NBEA: variants seen among roughly 807,000 people sequenced by gnomAD.
The protein encoded by NBEA is neurobeachin, also known as lysosomal-trafficking regulator 2.
NBEA carries 44 observed loss-of-function variants against 343.4 expected under a neutral mutation model. The ratio of observed to expected loss-of-function variants is 0.13; its 90% confidence interval spans 0.10 to 0.16. The LOEUF (loss-of-function observed/expected upper bound fraction) is 0.16. Ranked by LOEUF, NBEA falls within the 10% of genes least tolerant of loss-of-function variation. The probability of loss-of-function intolerance (pLI) is 1.00; values close to 1 mark genes in which losing one functional copy is unlikely to be tolerated. For synonymous variants in NBEA, 1,175 were observed against 1,238.7 expected, an observed-to-expected ratio of 0.95 and a Z score of 1.08; for missense variants, 2,555 against 3,631.3, an observed-to-expected ratio of 0.70 and a Z score of 7.62.
At chr13:35,330,031 T>C (rs909292797) in intron 36 of NBEA, among the ~76,000 whole-genome samples, 1 of 152,026 alleles carries the variant, frequency 6.6e-6, no homozygotes, top group Non-Finnish European at 1.5e-5. Flanking sequence ...AGTAGATGAA[T>C]GCCTAACTCT....
At chr13:35,325,735 T>C (rs960678215) in intron 36 of NBEA, among the ~76,000 whole-genome samples, 5 of 152,090 alleles carry the variant, frequency 3.3e-5, no homozygotes, top group Non-Finnish European at 7.4e-5. Flanking sequence ...CCAAAGCTAA[T>C]GTCTAGAAAG....
At chr13:35,625,620 G>A (rs982875494) in intron 48 of NBEA, among the ~76,000 whole-genome samples, 4 of 151,902 alleles carry the variant, frequency 2.6e-5, no homozygotes, top group Middle Eastern at 3.4e-3. Context: ...GTGAGATCCT[G>A]TCTAAAAAAT....
chr13:35,308,572 A>ATATG (rs1248395615), intron 35 of NBEA, among the ~76,000 whole-genome samples: 3 of 125,984 alleles, frequency 2.4e-5, no homozygotes, highest in Non-Finnish European at 4.8e-5. Flanking sequence ...ATATGTATAT[A>ATATG]TATGTATATA....
In NBEA at chr13:35,581,546, C is replaced by T. The variant is rs532142347; in HGVS notation, c.7036-2352C>T. Among the ~76,000 whole-genome samples, 9 of 151,406 alleles carry T rather than the reference C, an allele frequency of 5.9e-5. No homozygotes were observed. In the South Asian group the frequency reaches 8.4e-4, roughly 14 times the overall value. On this transcript the variant is annotated intron_variant, in intron 45 of 58. Transcript: ENST00000379939. Reference sequence around the variant, plus strand: ...AGCCCTTTGTCAGATGAGTAGGTTGCGGAGCCATAAAAAATGATGAGTTCA... The same window carrying T: ...AGCCCTTTGTCAGATGAGTAGGTTGTGGAGCCATAAAAAATGATGAGTTCA...
At chr13:35,117,064 G>T (rs1366359303) in intron 13 of NBEA, among the ~76,000 whole-genome samples, 2 of 151,764 alleles carry the variant, frequency 1.3e-5, no homozygotes, top group Non-Finnish European at 2.9e-5. Flanking sequence ...TTAATTGAGA[G>T]TGGAAGACAT....
chr13:35,441,365 A>T (rs774013805), intron 39 of NBEA, among the ~76,000 whole-genome samples: 14 of 152,158 alleles, frequency 9.2e-5, no homozygotes, highest in Non-Finnish European at 1.3e-4. Flanking sequence ...GAAAATTCTA[A>T]TCTATAGTAA....
chr13:35,159,761 C>A lies in NBEA; in HGVS notation c.3590C>A (p.Thr1197Asn), dbSNP rs1456088282. ...LAHMTGSVDL[T>N]CTSSIIEEKE... ...CACATGACCGGTAGCGTAGACTTAA[C>A]TTGTACATCCAGTATAATAGAAGAA... Residue 1197 changes from threonine to asparagine, a missense_variant, in exon 22 of 59, where the codon ACT (threonine) becomes AAT (asparagine). Coordinates refer to ENST00000379939, the MANE Select transcript of NBEA (RefSeq NM_001385012.1). The A allele has an allele frequency of 6.2e-7, 1 of 1,613,152 alleles. No homozygotes were observed. Among genetic ancestry groups the A allele is most frequent in the South Asian group, 1.1e-5 (1 of 91,020 alleles).
chr13:35,300,953 TA>T (rs960100950), intron 35 of NBEA, among the ~76,000 whole-genome samples: 54 of 150,352 alleles, frequency 3.6e-4, no homozygotes, highest in African/African-American at 9.5e-4. Context: ...CTAAATATGG[TA>T]AAAAAAAAAT....
At chr13:35,219,332 AC>A (rs2074237143) in intron 33 of NBEA, among the ~76,000 whole-genome samples, 1 of 152,122 alleles carries the variant, frequency 6.6e-6, no homozygotes, top group East Asian at 1.9e-4. Flanking sequence ...TGAAAGTTGT[AC>A]ATTGTTTGTT....
chr13:35,283,982 A>G (rs1427030059), intron 34 of NBEA, among the ~76,000 whole-genome samples: 1 of 43,224 alleles, frequency 2.3e-5, no homozygotes, highest in Non-Finnish European at 6.0e-5. Context: ...GCACATGTGT[A>G]CACAGACACA....
intron 24 of NBEA, 65 bp downstream of exon 24, chr13:35,164,574 T>G: frequency 6.7e-7 from 1 of 1,493,542 alleles, no homozygotes; most frequent in Non-Finnish European, 9.1e-7. Flanking sequence ...ATTTCAGTGG[T>G]GGTCTAGGCT....
intron 38 of NBEA, among the ~76,000 whole-genome samples, chr13:35,358,149 G>A (rs2040601248): frequency 6.6e-6 from 1 of 151,882 alleles, no homozygotes; most frequent in African/African-American, 2.4e-5. Flanking sequence ...AGCCTCCTGA[G>A]TAGCTGGGAT....
At chr13:35,609,803 G>A (rs150833786) in intron 48 of NBEA, among the ~76,000 whole-genome samples, 6 of 152,228 alleles carry the variant, frequency 3.9e-5, no homozygotes, top group Non-Finnish European at 7.4e-5. Context: ...TATAATACAG[G>A]TAAATACTTC....
chr13:35,493,064 A>G (rs1323178205), intron 41 of NBEA, among the ~76,000 whole-genome samples: 1 of 152,012 alleles, frequency 6.6e-6, no homozygotes, highest in Non-Finnish European at 1.5e-5. Flanking sequence ...TACAGAATAG[A>G]TTGTCTATAT....
At chr13:35,543,233 A>G (rs1462774056) in intron 41 of NBEA, among the ~76,000 whole-genome samples, 2 of 152,226 alleles carry the variant, frequency 1.3e-5, no homozygotes, top group Admixed American at 1.3e-4. Context: ...ACATGCACAT[A>G]TGAATATTAC....
At chr13:35,442,101 A>G (rs1355030937) in intron 39 of NBEA, among the ~76,000 whole-genome samples, 1 of 152,094 alleles carries the variant, frequency 6.6e-6, no homozygotes, top group Non-Finnish European at 1.5e-5. Context: ...GGAAATACCA[A>G]CAAAAGTGCC....
chr13:35,539,924 A>AAAAAAAG (rs1324536607), intron 41 of NBEA, among the ~76,000 whole-genome samples: 1 of 123,848 alleles, frequency 8.1e-6, no homozygotes, highest in Non-Finnish European at 1.8e-5. Context: ...TCAAAAAAAA[A>AAAAAAAG]AAAAAAAAAA....
intron 30 of NBEA, among the ~76,000 whole-genome samples, chr13:35,188,678 C>G (rs2071919698): frequency 6.6e-6 from 1 of 152,014 alleles, no homozygotes; most frequent in African/African-American, 2.4e-5. Flanking sequence ...GTGAATAATG[C>G]TGCAATGAAC....
chr13:35,109,577 C>T, intron 12 of NBEA, 135 bp downstream of exon 12: 1 of 752,090 alleles, frequency 1.3e-6, no homozygotes, highest in South Asian at 4.3e-5. Context: ...TTGTGTTAGG[C>T]AGTATCAGGA....
Sources: gnomAD v4.1 joint callset for allele counts (sites outside exome capture counted in the v4.1 genomes callset) on GRCh38, gnomAD v4.1.1 for gene constraint, MANE v1.5 for transcripts, NCBI Gene and HGNC (gene_info 2026-07-23, HGNC 2026-07-21) for gene names.